Variants in PSMF1 observed in about 807,000 individuals in gnomAD.
PSMF1 encodes the protein proteasome inhibitor PI31 subunit.
In PSMF1, 30 loss-of-function variants were observed where a neutral mutation model predicts 29.3. The ratio of observed to expected loss-of-function variants is 1.02; its 90% CI spans 0.77 to 1.39. The LOEUF is 1.39. Among genes scored for constraint, PSMF1 ranks in the 40% most tolerant of loss-of-function variants. The pLI is 0.00. For synonymous variants in PSMF1, 134 were observed against 139.7 expected (o/e 0.96, Z 0.29); for missense variants, 344 against 357.5 (o/e 0.96, Z 0.31).
Position 1,164,824 on chromosome 20 carries a change from A to AGGCCCTG in PSMF1, c.765-204_765-198dup, listed in dbSNP as rs1402222495. 7.2e-5 allele frequency among the ~76,000 whole-genome samples: 11 copies of AGGCCCTG among 152,276 alleles called. No homozygotes were observed. The highest frequency in any genetic ancestry group is 2.6e-4 in the African/African-American group (11 of 41,548). ...CTACATTTTATAGATGCAGAAAATG[A>AGGCCCTG]GGCCCTGAAAGATTAGGTAACTTAT... is the stretch of plus-strand genomic sequence containing the variant. On this transcript the variant is annotated intron_variant, in intron 6 of 6. Coordinates refer to ENST00000335877, the MANE Select transcript of PSMF1 (RefSeq NM_006814.5). The surrounding 1 kb of genome is among the most constrained non-coding windows in gnomAD (Gnocchi z 4.1).
chr20:1,142,797 G>T (rs1249034517), intron 4 of PSMF1, among the ~76,000 whole-genome samples: 6 of 152,122 alleles, frequency 3.9e-5, no homozygotes. Flanking sequence ...GTAATGGGAT[G>T]GCTGGGTCAA....
In PSMF1 at chr20:1,171,178, C is replaced by T. The variant is rs1311204897; in HGVS notation, c.*6098C>T. On this transcript the variant is annotated 3_prime_UTR_variant, in exon 7 of 7. Coordinates refer to ENST00000335877, the MANE Select transcript of PSMF1 (RefSeq NM_006814.5). Reference sequence around the variant, plus strand: ...AAGGCTCCTCAGTCAGTCCTATTTGCACAGCGTGCCTCATGCTCCTGAGTA... The same window carrying T: ...AAGGCTCCTCAGTCAGTCCTATTTGTACAGCGTGCCTCATGCTCCTGAGTA... Among the ~76,000 whole-genome samples the T allele has an allele frequency of 6.6e-6, 1 of 152,170 alleles. No homozygotes were observed. The highest frequency in any genetic ancestry group is 2.4e-5 in the African/African-American group (1 of 41,434).
chr20:1,120,787 CTG>C (rs1322624507), intron 1 of PSMF1, among the ~76,000 whole-genome samples: 1 of 152,194 alleles, frequency 6.6e-6, no homozygotes, highest in Non-Finnish European at 1.5e-5. Context: ...GCTTTGCACT[CTG>C]TCCCTCCTCA....
In PSMF1 at chr20:1,163,203, T is replaced by C; in HGVS notation, c.605+20T>C. ...TTTTGGGTGAGTACTGCTGGGGAGG[T>C]GGCAGCAACACAACTTGCTTTTGTG... On this transcript the variant is annotated intron_variant, in intron 5 of 6. Transcript: ENST00000335877. The surrounding 1 kb of genome is among the most constrained non-coding windows in gnomAD (Gnocchi z 6.1). 1 of 1,613,026 alleles carries C rather than the reference T, an allele frequency of 6.2e-7. No homozygotes were observed. Among genetic ancestry groups the C allele is most frequent in the Non-Finnish European group, 8.5e-7 (1 of 1,179,284 alleles).
upstream of PSMF1, among the ~76,000 whole-genome samples, chr20:1,116,968 A>C (rs906213518): frequency 6.6e-6 from 1 of 152,200 alleles, no homozygotes; most frequent in African/African-American, 2.4e-5. Context: ...AGAACACATG[A>C]AACAGGGAAA....
At chr20:1,151,524 T>A in intron 4 of PSMF1, among the ~76,000 whole-genome samples, 1 of 152,224 alleles carries the variant, frequency 6.6e-6, no homozygotes, top group East Asian at 1.9e-4. Context: ...GTCACACATC[T>A]GTGAAATGGT....
intron 4 of PSMF1, among the ~76,000 whole-genome samples, chr20:1,152,524 A>T (rs1600166755): frequency 6.6e-6 from 1 of 152,190 alleles, no homozygotes; most frequent in Non-Finnish European, 1.5e-5. Flanking sequence ...GATGCATATA[A>T]CCCATGGGGC....
upstream of PSMF1, chr20:1,118,379 C>T (rs1709061956): frequency 5.3e-6 from 1 of 187,318 alleles, no homozygotes; most frequent in South Asian, 1.3e-4. Flanking sequence ...CCCGGCCTAG[C>T]ATACCCCATT....
chr20:1,160,350 T>C (rs920399463), intron 4 of PSMF1, among the ~76,000 whole-genome samples: 2 of 152,250 alleles, frequency 1.3e-5, no homozygotes, highest in Non-Finnish European at 2.9e-5. Context: ...TGGCTGCACT[T>C]GGGGACCTGC....
At chr20:1,115,290 G>C (rs2086000982), upstream of PSMF1, among the ~76,000 whole-genome samples, 1 of 122,744 alleles carries the variant, frequency 8.1e-6, no homozygotes, top group Non-Finnish European at 1.7e-5. Flanking sequence ...GGGGGTGACG[G>C]AGCTGTCTGC....
intron 4 of PSMF1, among the ~76,000 whole-genome samples, chr20:1,147,488 A>G (rs142829468): frequency 3.3e-5 from 5 of 152,318 alleles, no homozygotes; most frequent in South Asian, 2.1e-4. Flanking sequence ...TACAAATTCA[A>G]TGTAGTGTAG....
At position 1,166,745 on chromosome 20, in the gene PSMF1, A is replaced by G. The variant is rs954668587; in HGVS notation, c.*1665A>G. ...ATCAGGCAGAGGTGCAGATTCAATC[A>G]TTACTCATAACCTTTGAGAGATGGC... On this transcript the variant is annotated 3_prime_UTR_variant, in exon 7 of 7. Transcript: ENST00000335877. 6.1e-6 allele frequency: 1 copy of G among 164,860 alleles called. No homozygotes were observed. The highest frequency in any genetic ancestry group is 1.3e-5 in the Non-Finnish European group (1 of 74,594). 10.2% of individuals were successfully genotyped at this position (164,860 alleles called of 1,614,324 possible). A position where few individuals can be genotyped will look rare whatever the true frequency, so the allele number is the denominator to read the frequency against.
At position 1,164,953 on chromosome 20, in the gene PSMF1, A is replaced by G; in HGVS notation, c.765-76A>G. 1.6e-6 allele frequency: 2 copies of G among 1,257,270 alleles called. No homozygotes were observed. Among genetic ancestry groups the G allele is most frequent in the Non-Finnish European group, 2.3e-6 (2 of 859,452 alleles). The allele number at this position is 1,257,270 out of a possible 1,614,324, so 77.9% of individuals were successfully genotyped here. On this transcript the variant is annotated intron_variant, in intron 6 of 6. Coordinates refer to ENST00000335877, the MANE Select transcript of PSMF1 (RefSeq NM_006814.5). This position sits in a 1 kb window ranked among gnomAD's most constrained non-coding sequence, Gnocchi z 4.1. Reference sequence around the variant, plus strand: ...ATCATGTTGAAGGGCAGGCTCCCTCAGTGCAGGGTCATGTCTGCCCATGTT... The same window carrying G: ...ATCATGTTGAAGGGCAGGCTCCCTCGGTGCAGGGTCATGTCTGCCCATGTT...
intron 4 of PSMF1, among the ~76,000 whole-genome samples, chr20:1,160,105 A>G (rs6040223): frequency 6.6e-6 from 1 of 152,218 alleles, no homozygotes; most frequent in East Asian, 1.9e-4. Context: ...ACAGGAAAGT[A>G]TAAAGAAAGC....
At chr20:1,162,768 T>C (rs1297099110) in intron 4 of PSMF1, among the ~76,000 whole-genome samples, 1 of 152,190 alleles carries the variant, frequency 6.6e-6, no homozygotes, top group Non-Finnish European at 1.5e-5. Context: ...AGCTTTGGGA[T>C]TTTGGTTTTG....
chr20:1,133,216 G>C (rs6040044), intron 3 of PSMF1, among the ~76,000 whole-genome samples: 17,370 of 150,650 alleles, frequency 0.12, 1,103 homozygotes, highest in African/African-American at 0.15. Context: ...GTTAGGGGTA[G>C]GTTTTTTGTA....
At chr20:1,120,284 A>G (rs544056625) in intron 1 of PSMF1, among the ~76,000 whole-genome samples, 29 of 152,204 alleles carry the variant, frequency 1.9e-4, no homozygotes, top group African/African-American at 6.3e-4. Context: ...AAACTCACAC[A>G]TACTTCATCT....
chr20:1,113,445 AACACACAC>A (rs58779664), intron 1 of PSMF1: 1,228 of 114,536 alleles, frequency 0.011, 19 homozygotes, highest in African/African-American at 0.036. Flanking sequence ...GATCAGGGGC[AACACACAC>A]ACACACACAC....
chr20:1,162,543 A>G (rs1288537764), intron 4 of PSMF1, among the ~76,000 whole-genome samples: 1 of 152,222 alleles, frequency 6.6e-6, no homozygotes, highest in Non-Finnish European at 1.5e-5. Flanking sequence ...TGCATTCTCC[A>G]TGAAGGCAGA....
Sources: allele counts gnomAD v4.1 joint callset (sites outside exome capture counted in the v4.1 genomes callset), GRCh38; gene constraint gnomAD v4.1.1; non-coding constraint Gnocchi (gnomAD v3.1); transcripts MANE v1.5; gene names NCBI Gene and HGNC (gene_info 2026-07-23, HGNC 2026-07-21).